The following SSC4D variants were observed in gnomAD, a reference collection of about 807,000 sequenced individuals.
The protein encoded by SSC4D is scavenger receptor cysteine-rich domain-containing group B protein.
A neutral mutation model predicts 63.4 loss-of-function variants in SSC4D; 57 were observed. That is an observed-to-expected ratio of 0.90 (90% confidence interval 0.73 to 1.12). The LOEUF is 1.12. Ranked by LOEUF, SSC4D falls within the 50% of genes most tolerant of loss-of-function variation. SSC4D has a pLI of 0.00. For missense variants in SSC4D, 791 were observed against 806.4 expected, an observed-to-expected ratio of 0.98 and a Z score of 0.23; for synonymous variants, 352 against 345.4, an observed-to-expected ratio of 1.02 and a Z score of -0.21.
intron 7 of SSC4D, among the ~76,000 whole-genome samples, chr7:76,394,783 A>G (rs1804594674): frequency 6.9e-6 from 1 of 144,866 alleles, no homozygotes; most frequent in Admixed American, 7.1e-5. Flanking sequence ...TATGTATAAT[A>G]TATATGATAT....
intron 5 of SSC4D, 61 bp downstream of exon 5, chr7:76,398,659 G>T: frequency 6.5e-7 from 1 of 1,528,644 alleles, no homozygotes; most frequent in South Asian, 1.1e-5. Context: ...CACTGCCTAG[G>T]GTAGGGTGTG....
At chr7:76,402,278 C>T (rs58514873) in intron 2 of SSC4D, among the ~76,000 whole-genome samples, 27,441 of 150,854 alleles carry the variant, frequency 0.18, 2,738 homozygotes, top group South Asian at 0.25. Flanking sequence ...CTCCTGGGTT[C>T]AAGTGATTCT....
At chr7:76,401,110 C>T (rs751329160) in intron 2 of SSC4D, 67 bp from the exon 3 acceptor site, 1 of 1,477,324 alleles carries the variant, frequency 6.8e-7, no homozygotes, top group Non-Finnish European at 9.0e-7. Flanking sequence ...CCCAGGAACA[C>T]ACCCCCCAAC....
Position 76,393,699 on chromosome 7 carries a change from C to A in SSC4D, c.1039G>T (p.Val347Leu). The A allele has an allele frequency of 7.2e-7, 1 of 1,393,552 alleles. No homozygotes were observed. Among genetic ancestry groups the A allele is most frequent in the Non-Finnish European group, 9.2e-7 (1 of 1,081,978 alleles). 86.3% of individuals were successfully genotyped at this position (1,393,552 alleles called of 1,614,324 possible). Residue 347 changes from valine (V) to leucine (L), a missense_variant, in exon 9 of 11, where the codon GTG becomes TTG. Physicochemically the swap from Val to Leu is conservative, Grantham distance 32. Coordinates refer to ENST00000275560, the MANE Select transcript of SSC4D (RefSeq NM_080744.2). ...AGKKSGRLRL[V>L]GGPGPCRGRV... Reference sequence around the variant, plus strand: ...CCGCGGCACGGACCCGGGCCGCCCACCAGTCGCAGCCGTCCACCTGCGGGG... The same window carrying A: ...CCGCGGCACGGACCCGGGCCGCCCAACAGTCGCAGCCGTCCACCTGCGGGG...
intron 1 of SSC4D, among the ~76,000 whole-genome samples, chr7:76,405,339 C>CTTTCTTTTT (rs1271510975): frequency 4.7e-5 from 1 of 21,394 alleles, no homozygotes; most frequent in African/African-American, 2.1e-4. Flanking sequence ...TTCTTTCTTT[C>CTTTCTTTTT]TTTTTTTTTT....
intron 7 of SSC4D, among the ~76,000 whole-genome samples, chr7:76,394,438 T>C (rs1312965154): frequency 6.6e-6 from 1 of 150,700 alleles, no homozygotes; most frequent in Non-Finnish European, 1.5e-5. Context: ...ATACAGAGTT[T>C]CGCTCTGTCT....
chr7:76,397,872 G>C, intron 5 of SSC4D, 40 bp from the exon 6 acceptor site: 1 of 1,479,614 alleles, frequency 6.8e-7, no homozygotes, highest in Non-Finnish European at 9.0e-7. Flanking sequence ...TCTCCCACTG[G>C]CCTCTGCCCC....
chr7:76,393,000 G>A lies in SSC4D; in HGVS notation c.1333+405C>T, dbSNP rs2115740496. 1.3e-5 allele frequency among the ~76,000 whole-genome samples: 2 copies of A among 152,266 alleles called. 1 individual carries two copies. The highest frequency in any genetic ancestry group is 4.1e-4 in the South Asian group (2 of 4,830). ...CCCTTTCCACTGACTCCGCCCAAAG[G>A]TCACACGCTAGCTCTGGTAAGGGTG... On this transcript the variant is annotated intron_variant, in intron 9 of 10. Coordinates refer to ENST00000275560, the MANE Select transcript of SSC4D (RefSeq NM_080744.2).
At position 76,404,320 on chromosome 7, in the gene SSC4D, G is replaced by A; in HGVS notation, c.120C>T (p.Leu40=). The change falls in exon 2 of 11, where the codon CTC becomes CTT. Residue 40 remains leucine (L), a synonymous_variant. Transcript: ENST00000275560. ...PFLPQALSFL[L]LLPLASALQP... ...GGGAGGACTCACCCAGTGGCAGGAG[G>A]AGAAGGAAAGACAGGGCTTGGGGGA... 3 of 1,605,332 alleles carry A rather than the reference G, an allele frequency of 1.9e-6. No individual in the cohort carries two copies. The highest frequency in any genetic ancestry group is 8.5e-7 in the Non-Finnish European group (1 of 1,175,458).
At position 76,393,535 on chromosome 7, in the gene SSC4D, G is replaced by A. The variant is rs1454638396; in HGVS notation, c.1203C>T (p.Tyr401=). The change falls in exon 9 of 11, where the codon TAC becomes TAT. Residue 401 remains tyrosine, a synonymous_variant. Coordinates refer to ENST00000275560, the MANE Select transcript of SSC4D (RefSeq NM_080744.2). ...LGATGLGHFG[Y]GRGPVLLDNV... is the part of the protein sequence containing the mutation. Reference sequence around the variant, plus strand: ...TGTCCAGCAGCACGGGGCCGCGGCCGTAGCCGAAGTGGCCCAGTCCCGTAG... The same window carrying A: ...TGTCCAGCAGCACGGGGCCGCGGCCATAGCCGAAGTGGCCCAGTCCCGTAG... The A allele has an allele frequency of 1.3e-6, 2 of 1,523,144 alleles. No individual in the cohort carries two copies. Among genetic ancestry groups the A allele is most frequent in the African/African-American group, 2.8e-5 (2 of 70,630 alleles). 94.4% of individuals were successfully genotyped at this position (1,523,144 alleles called of 1,614,324 possible). A position where few individuals can be genotyped will look rare whatever the true frequency, so the allele number is the denominator to read the frequency against.
At chr7:76,392,633 A>T (rs1446805374) in intron 9 of SSC4D, among the ~76,000 whole-genome samples, 1 of 151,818 alleles carries the variant, frequency 6.6e-6, no homozygotes, top group Admixed American at 6.6e-5. Flanking sequence ...TCTAAAAAAA[A>T]TTCAAAAATT....
At chr7:76,393,343 C>A (rs1183997428) in intron 9 of SSC4D, 62 bp downstream of exon 9, 3 of 1,292,110 alleles carry the variant, frequency 2.3e-6, no homozygotes, top group East Asian at 3.1e-5. Flanking sequence ...GGCGCCGCCC[C>A]GCCCCTCCCA....
rs761903734 is a variant in SSC4D at position 76,390,048 on chromosome 7, A to G, written c.*11T>C. ...TCCCAGAAGAAGAGGTGGTCTGCAGAGCGGGCTGGGTCATGAAGGCTGGCA... is the reference window on the plus strand; with the variant it reads ...TCCCAGAAGAAGAGGTGGTCTGCAGGGCGGGCTGGGTCATGAAGGCTGGCA... On this transcript the variant is annotated 3_prime_UTR_variant, in exon 11 of 11. Coordinates refer to ENST00000275560, the MANE Select transcript of SSC4D (RefSeq NM_080744.2). 1.2e-5 allele frequency: 19 copies of G among 1,613,990 alleles called. No individual in the cohort carries two copies. In the African/African-American group the frequency reaches 2.4e-4, roughly 20 times the overall value.
In SSC4D at chr7:76,391,967, C is replaced by A. The variant is rs533358130; in HGVS notation, c.1408G>T (p.Asp470Tyr). 1.3e-6 allele frequency: 2 copies of A among 1,592,684 alleles called. No homozygotes were observed. Among genetic ancestry groups the A allele is most frequent in the South Asian group, 1.1e-5 (1 of 87,678 alleles). ...TTRVPTPRPR[D>Y]GHLRLVNGAH... ...TCAGGGGATTATGGGCACCTACCGT[C>A]CCTGGGCCGAGGAGTGGGCACCCGC... The change falls in exon 10 of 11, where the codon GAC (aspartate) becomes TAC (tyrosine). Residue 470 changes from aspartate to tyrosine, a missense_variant. Transcript: ENST00000275560.
In SSC4D at chr7:76,390,348, T is replaced by G. The variant is rs776398190; in HGVS notation, c.1439A>C (p.His480Pro). 1 of 1,600,286 alleles carries G rather than the reference T, an allele frequency of 6.2e-7. No individual in the cohort carries two copies. Among genetic ancestry groups the G allele is most frequent in the Non-Finnish European group, 8.5e-7 (1 of 1,172,186 alleles). The stretch of plus-strand genomic sequence containing the variant: ...GAGCTCTACACGTCCCTCGCATCGG[T>G]GGGCTCCATTGACCAGACGTAGATG... The part of the protein sequence containing the change: ...DGHLRLVNGA[H>P]RCEGRVELYL... The change falls in exon 11 of 11, where the codon CAC becomes CCC. Residue 480 changes from histidine to proline, a missense_variant. Physicochemically the swap from His to Pro is moderately conservative, Grantham distance 77. Coordinates refer to ENST00000275560, the MANE Select transcript of SSC4D (RefSeq NM_080744.2).
intron 2 of SSC4D, among the ~76,000 whole-genome samples, chr7:76,403,808 C>T (rs964377528): frequency 3.3e-5 from 5 of 151,854 alleles, no homozygotes; most frequent in Admixed American, 6.6e-5. Flanking sequence ...ATTACAGGTG[C>T]GTGCTGCCAA....
At chr7:76,394,030 C>T (rs1207044766) in intron 7 of SSC4D, 126 bp from the exon 8 acceptor site, 1 of 880,876 alleles carries the variant, frequency 1.1e-6, no homozygotes, top group East Asian at 3.0e-5. Flanking sequence ...CAGCTGCAAC[C>T]CCAGAGTCAC....
chr7:76,398,564 CA>C (rs976882074), intron 5 of SSC4D, among the ~76,000 whole-genome samples, 155 bp downstream of exon 5: 5 of 152,080 alleles, frequency 3.3e-5, no homozygotes, highest in Non-Finnish European at 5.9e-5. Flanking sequence ...CTCGGCCTCC[CA>C]AAGTGCTGGG....
chr7:76,395,699 T>C (rs1482954758), intron 6 of SSC4D, among the ~76,000 whole-genome samples: 1 of 149,084 alleles, frequency 6.7e-6, no homozygotes, highest in African/African-American at 2.4e-5. Flanking sequence ...CCTCCTCTTT[T>C]CTTTTTTTTG....
Sources: gnomAD v4.1 joint callset for allele counts (sites outside exome capture counted in the v4.1 genomes callset) on GRCh38, gnomAD v4.1.1 for gene constraint, MANE v1.5 for transcripts, NCBI Gene and HGNC (gene_info 2026-07-23, HGNC 2026-07-21) for gene names.